COG6: variants seen among roughly 807,000 people sequenced by gnomAD.
COG6 encodes conserved oligomeric Golgi complex subunit 6.
COG6 carries 74 observed loss-of-function variants against 88.8 expected under a neutral mutation model. The ratio of observed to expected loss-of-function variants is 0.83; its 90% CI spans 0.69 to 1.01. The LOEUF (loss-of-function observed/expected upper bound fraction) is 1.01, where lower values mean the gene tolerates loss of function less well. Ranked by LOEUF, COG6 falls within the 50% of genes least tolerant of loss-of-function variation. The pLI, the probability that COG6 is intolerant of heterozygous loss-of-function variation, is 0.00. For missense variants in COG6, 800 were observed against 797.9 expected (o/e 1.00, Z -0.03); for synonymous variants, 286 against 278.7 (o/e 1.03, Z -0.26).
At chr13:39,720,665 C>G (rs915621209) in intron 15 of COG6, among the ~76,000 whole-genome samples, 11 of 152,070 alleles carry the variant, frequency 7.2e-5, no homozygotes, top group Non-Finnish European at 1.3e-4. Flanking sequence ...CCCCCAACAT[C>G]TCTTTCTCAT....
At chr13:39,750,758 T>C (rs1416449878) in intron 18 of COG6, among the ~76,000 whole-genome samples, 188 bp from the exon 19 acceptor site, 1 of 152,164 alleles carries the variant, frequency 6.6e-6, no homozygotes, top group Admixed American at 6.5e-5. Flanking sequence ...TAATAAATAA[T>C]GAATACAAAA....
At chr13:39,721,388 A>C (rs1878842724) in intron 15 of COG6, among the ~76,000 whole-genome samples, 1 of 152,152 alleles carries the variant, frequency 6.6e-6, no homozygotes, top group Non-Finnish European at 1.5e-5. Flanking sequence ...CTCTTGAGCC[A>C]GATCTTTATT....
intron 18 of COG6, among the ~76,000 whole-genome samples, chr13:39,733,520 A>G (rs576128197): frequency 4.0e-4 from 61 of 151,776 alleles, no homozygotes; most frequent in African/African-American, 1.2e-3. Context: ...ATCATTTTCT[A>G]TGCTTTTCTC....
chr13:39,743,157 A>G (rs1880140423), intron 18 of COG6, among the ~76,000 whole-genome samples: 1 of 152,352 alleles, frequency 6.6e-6, no homozygotes, highest in Non-Finnish European at 1.5e-5. Context: ...AGCAGGAAAG[A>G]TCTAAAATCG....
intron 4 of COG6, among the ~76,000 whole-genome samples, chr13:39,672,840 A>G (rs1417880759): frequency 6.6e-6 from 1 of 152,074 alleles, no homozygotes; most frequent in Non-Finnish European, 1.5e-5. Context: ...AAGAAGCTGC[A>G]CAGTTTTACA....
chr13:39,758,218 CAAAAAAAAA>C (rs34210362), intron 18 of COG6, among the ~76,000 whole-genome samples: 1 of 55,808 alleles, frequency 1.8e-5, no homozygotes, highest in Non-Finnish European at 3.4e-5. Context: ...GATGCCTTCT[CAAAAAAAAA>C]AAAAAAAAAA....
At chr13:39,700,316 T>C (rs1019830606) in intron 13 of COG6, among the ~76,000 whole-genome samples, 1 of 151,900 alleles carries the variant, frequency 6.6e-6, no homozygotes, top group South Asian at 2.1e-4. Context: ...TTTTGTAATA[T>C]GGTATAAAAT....
intron 18 of COG6, among the ~76,000 whole-genome samples, chr13:39,783,259 C>T (rs779894413): frequency 6.6e-6 from 1 of 151,956 alleles, no homozygotes; most frequent in Non-Finnish European, 1.5e-5. Flanking sequence ...AATCCTATGC[C>T]CTTTGTTAGG....
intron 18 of COG6, among the ~76,000 whole-genome samples, chr13:39,735,964 A>G (rs185283132): frequency 9.2e-4 from 140 of 151,988 alleles, no homozygotes; most frequent in Non-Finnish European, 1.6e-3. Flanking sequence ...GAGTTTGATT[A>G]TTAAAGGTCT....
chr13:39,769,163 A>C (rs1330968765), intron 18 of COG6, among the ~76,000 whole-genome samples: 1 of 152,190 alleles, frequency 6.6e-6, no homozygotes, highest in Non-Finnish European at 1.5e-5. Flanking sequence ...TTGTTTCTTT[A>C]GCATTGTGAA....
chr13:39,690,886 T>C (rs1876942487), intron 11 of COG6, among the ~76,000 whole-genome samples: 2 of 151,920 alleles, frequency 1.3e-5, no homozygotes, highest in African/African-American at 4.8e-5. Flanking sequence ...CATATATAAC[T>C]TATATAAATG....
downstream of COG6, among the ~76,000 whole-genome samples, chr13:39,757,076 C>A (rs995977703): frequency 6.6e-6 from 1 of 152,138 alleles, no homozygotes; most frequent in East Asian, 1.9e-4. Flanking sequence ...CAAGATAGAC[C>A]ATATGTTAGG....
chr13:39,760,327 C>T (rs374684337), intron 18 of COG6, among the ~76,000 whole-genome samples: 41 of 152,162 alleles, frequency 2.7e-4, no homozygotes, highest in African/African-American at 9.4e-4. Flanking sequence ...TTAGAAAGGA[C>T]ACCAAAGATT....
intron 8 of COG6, chr13:39,682,538 T>A (rs1876378280): frequency 1.4e-5 from 5 of 347,708 alleles, no homozygotes; most frequent in South Asian, 1.3e-4. Context: ...TTTTCCCCTG[T>A]CGTCTCATTA....
intron 13 of COG6, among the ~76,000 whole-genome samples, chr13:39,712,619 G>A (rs902522277): frequency 1.1e-4 from 16 of 152,154 alleles, no homozygotes; most frequent in African/African-American, 3.1e-4. Context: ...TGAAGTAGAC[G>A]TTCTCACATG....
At chr13:39,694,134 A>G (rs1212490526) in intron 11 of COG6, among the ~76,000 whole-genome samples, 1 of 151,882 alleles carries the variant, frequency 6.6e-6, no homozygotes, top group Non-Finnish European at 1.5e-5. Flanking sequence ...TAGTCTTATA[A>G]TTTGGCAAAT....
intron 1 of COG6, chr13:39,656,343 A>C (rs1874495552): frequency 2.8e-6 from 1 of 357,482 alleles, no homozygotes; most frequent in South Asian, 2.1e-5. Context: ...TCCACGGACA[A>C]GTGACAACAA....
At chr13:39,664,285 C>G (rs1219997700) in intron 3 of COG6, 5 of 153,282 alleles carry the variant, frequency 3.3e-5, no homozygotes, top group African/African-American at 9.6e-5. Flanking sequence ...CTCCACTTTA[C>G]TAATGACTTA....
chr13:39,693,176 G>A (rs1237754780), intron 11 of COG6, among the ~76,000 whole-genome samples: 1 of 151,894 alleles, frequency 6.6e-6, no homozygotes, highest in Admixed American at 6.6e-5. Flanking sequence ...TTTCTCTGTT[G>A]TATTTTGTAT....
Sources: allele counts gnomAD v4.1 joint callset (sites outside exome capture counted in the v4.1 genomes callset), GRCh38; gene constraint gnomAD v4.1.1; transcripts MANE v1.5; gene names NCBI Gene and HGNC (gene_info 2026-07-23, HGNC 2026-07-21).